Variants in MICAL2 observed in about 807,000 individuals in gnomAD.
The protein encoded by MICAL2 is microtubule associated monooxygenase, calponin and LIM domain containing 2, also known as [F-actin]-monooxygenase MICAL2.
In MICAL2, 77 loss-of-function variants were observed where a neutral mutation model predicts 127.3. The observed-to-expected ratio is 0.60, with a 90% CI of 0.50 to 0.73. The LOEUF (loss-of-function observed/expected upper bound fraction) is 0.73. Ranked by LOEUF, MICAL2 falls within the 30% of genes least tolerant of loss-of-function variation. The probability of loss-of-function intolerance (pLI) is 0.00; values close to 1 mark genes in which losing one functional copy is unlikely to be tolerated. For missense variants in MICAL2, 1,351 were observed against 1,434.4 expected (o/e 0.94, Z 0.94); for synonymous variants, 570 against 551.1 (o/e 1.03, Z -0.48).
At chr11:12,184,811 T>A (rs1857947572) in intron 3 of MICAL2, among the ~76,000 whole-genome samples, 1 of 151,766 alleles carries the variant, frequency 6.6e-6, no homozygotes, top group Admixed American at 6.6e-5. Context: ...GGTGAGATTA[T>A]CCCACCACAC....
intron 11 of MICAL2, 74 bp downstream of exon 11, chr11:12,222,817 A>G (rs1856981530): frequency 6.3e-7 from 1 of 1,576,006 alleles, no homozygotes; most frequent in African/African-American, 1.3e-5. Context: ...GGAGGGGGTC[A>G]CATTAAATTT....
chr11:12,242,797 C>T (rs1860167743), intron 20 of MICAL2, 25 bp downstream of exon 20: 1 of 1,545,196 alleles, frequency 6.5e-7, no homozygotes, highest in African/African-American at 1.4e-5. Flanking sequence ...TTCAGAGCCC[C>T]CAGGAACCTG....
intron 21 of MICAL2, among the ~76,000 whole-genome samples, chr11:12,246,316 G>A (rs992474764): frequency 2.6e-5 from 4 of 152,240 alleles, no homozygotes; most frequent in African/African-American, 9.6e-5. Context: ...CTCCCCTGAG[G>A]ACTCGGCTCC....
chr11:12,195,264 C>G (rs555035045), intron 3 of MICAL2, among the ~76,000 whole-genome samples: 1 of 152,232 alleles, frequency 6.6e-6, no homozygotes, highest in South Asian at 2.1e-4. Context: ...CTCTAAAAAC[C>G]AAACAAAACC....
intron 1 of MICAL2, among the ~76,000 whole-genome samples, chr11:12,137,122 A>G (rs1370008000): frequency 6.6e-6 from 1 of 152,230 alleles, no homozygotes; most frequent in South Asian, 2.1e-4. Context: ...CCTGCAGCAC[A>G]GGCTGATAGA....
rs76573870 is a variant in MICAL2, at chr11:12,284,341, G to T, written c.255-2746G>T. ...TACCCTCTCACTCCTTTTACAGTGGGTCATGCACTAAGATCTCTGAAAGTG... is the reference window on the plus strand; with the variant it reads ...TACCCTCTCACTCCTTTTACAGTGGTTCATGCACTAAGATCTCTGAAAGTG... On this transcript the variant is annotated intron_variant, in intron 2 of 2. Coordinates refer to the MICAL2 transcript ENST00000529028. 6.6e-3 allele frequency among the ~76,000 whole-genome samples: 1,012 copies of T among 152,192 alleles called. 10 individuals are homozygous for T. Among genetic ancestry groups the T allele is most frequent in the Middle Eastern group, 0.02 (6 of 294 alleles).
intron 13 of MICAL2, 125 bp from the exon 14 acceptor site, chr11:12,226,046 C>T (rs1857396563): frequency 2.3e-6 from 2 of 866,966 alleles, no homozygotes; most frequent in Non-Finnish European, 3.7e-6. Context: ...CACTATTCCT[C>T]CCCTGTAACC....
At chr11:12,124,857 C>T (rs934771250) in intron 1 of MICAL2, among the ~76,000 whole-genome samples, 1 of 152,218 alleles carries the variant, frequency 6.6e-6, no homozygotes, top group Non-Finnish European at 1.5e-5. Flanking sequence ...GAGTCTCCAG[C>T]ACCAACTTCC....
intron 32 of MICAL2, chr11:12,349,825 A>G (rs770889629): frequency 8.1e-6 from 13 of 1,613,404 alleles, no homozygotes; most frequent in African/African-American, 1.3e-5. Flanking sequence ...TTTGCTGTTG[A>G]TTTCTTAAGC....
intron 1 of MICAL2, among the ~76,000 whole-genome samples, chr11:12,122,407 A>C (rs1335855712): frequency 6.6e-6 from 1 of 151,988 alleles, no homozygotes; most frequent in South Asian, 2.1e-4. Flanking sequence ...TTTTACCTTT[A>C]ATAACTTTTA....
At chr11:12,351,946 C>T (rs1939053555) in intron 33 of MICAL2, among the ~76,000 whole-genome samples, 1 of 152,046 alleles carries the variant, frequency 6.6e-6, no homozygotes, top group African/African-American at 2.4e-5. Flanking sequence ...GCACACCACA[C>T]CCAGCTAATT....
At chr11:12,218,753 T>C (rs1856484920) in intron 8 of MICAL2, among the ~76,000 whole-genome samples, 1 of 152,196 alleles carries the variant, frequency 6.6e-6, no homozygotes, top group Non-Finnish European at 1.5e-5. Flanking sequence ...GGGGGAAATA[T>C]GAGTTTCCAG....
intron 24 of MICAL2, among the ~76,000 whole-genome samples, chr11:12,257,587 A>G (rs1306025106): frequency 6.6e-6 from 1 of 152,172 alleles, no homozygotes; most frequent in Non-Finnish European, 1.5e-5. Flanking sequence ...GTTCCACTCC[A>G]GAGTCTACCA....
chr11:12,135,621 T>C (rs1590027486), intron 1 of MICAL2, among the ~76,000 whole-genome samples: 1 of 152,196 alleles, frequency 6.6e-6, no homozygotes, highest in African/African-American at 2.4e-5. Context: ...ACAGAGATGA[T>C]GTGATTTGCC....
chr11:12,298,680 G>A (rs954912166), intron 29 of MICAL2, among the ~76,000 whole-genome samples: 6 of 151,934 alleles, frequency 3.9e-5, no homozygotes, highest in Admixed American at 1.3e-4. Flanking sequence ...GTTCTATTTC[G>A]GTGAGAGTAT....
Position 12,249,219 on chromosome 11 carries a change from C to T in MICAL2, c.2820C>T (p.Pro940=). Residue 940 remains proline, a synonymous_variant, in exon 22 of 28, where the codon CCC becomes CCT. Coordinates refer to ENST00000683283, the MANE Select transcript of MICAL2 (RefSeq NM_001282663.2). ...CACCTTCAGGGTTCCATTTTCATCC[C>T]AGCCATTTGAGAACAGTGCATCCTC... ...KKSPSGFHFH[P]SHLRTVHPQL... 6.2e-7 allele frequency: 1 copy of T among 1,610,232 alleles called. No homozygotes were observed. The highest frequency in any genetic ancestry group is 8.5e-7 in the Non-Finnish European group (1 of 1,176,550).
At chr11:12,323,415 T>C (rs928721906) in intron 30 of MICAL2, among the ~76,000 whole-genome samples, 2 of 152,048 alleles carry the variant, frequency 1.3e-5, no homozygotes, top group African/African-American at 4.8e-5. Flanking sequence ...TTAAAGTTGT[T>C]AACTGGTTTT....
At chr11:12,227,228 A>T in intron 15 of MICAL2, 97 bp downstream of exon 15, 2 of 865,264 alleles carry the variant, frequency 2.3e-6, no homozygotes, top group East Asian at 5.2e-5. Flanking sequence ...GAGGCTAGTA[A>T]GTTACATGGA....
At chr11:12,274,826 C>T (rs1481721418), upstream of MICAL2, 1 of 152,304 alleles carries the variant, frequency 6.6e-6, no homozygotes, top group Admixed American at 6.6e-5. Context: ...TGAGGGGCCA[C>T]TGGGTGATTT....
Sources: gnomAD v4.1 joint callset for allele counts (sites outside exome capture counted in the v4.1 genomes callset) on GRCh38, gnomAD v4.1.1 for gene constraint, MANE v1.5 for transcripts, NCBI Gene and HGNC (gene_info 2026-07-23, HGNC 2026-07-21) for gene names.